ZFAT: variants seen among roughly 807,000 people sequenced by gnomAD.
ZFAT encodes the protein zinc finger and AT-hook domain containing.
ZFAT carries 64 observed loss-of-function variants against 117.7 expected under a neutral mutation model. That is an observed-to-expected ratio of 0.54 (90% CI 0.44 to 0.67). The LOEUF (loss-of-function observed/expected upper bound fraction) is 0.67, where lower values mean the gene tolerates loss of function less well. Ranked by LOEUF, ZFAT falls within the 30% of genes least tolerant of loss-of-function variation. The pLI is 0.00. For synonymous variants in ZFAT, 679 were observed against 615.0 expected (o/e 1.10, Z -1.54); for missense variants, 1,433 against 1,584.5 (o/e 0.90, Z 1.62).
chr8:134,663,436 C>T (rs932478429), intron 1 of ZFAT, among the ~76,000 whole-genome samples: 2 of 152,114 alleles, frequency 1.3e-5, no homozygotes, highest in Admixed American at 1.3e-4. Flanking sequence ...AGAAAATATA[C>T]CAAAATTTTC....
chr8:134,625,256 G>A (rs1829422573), intron 3 of ZFAT, among the ~76,000 whole-genome samples: 1 of 152,216 alleles, frequency 6.6e-6, no homozygotes, highest in Non-Finnish European at 1.5e-5. Flanking sequence ...CCTGTGAAGG[G>A]CACGAGGCCA....
chr8:134,635,657 G>GAA (rs1236753403), intron 3 of ZFAT, among the ~76,000 whole-genome samples: 1 of 151,048 alleles, frequency 6.6e-6, no homozygotes, highest in Non-Finnish European at 1.5e-5. Context: ...GGGAGAGAGA[G>GAA]AGAGAGACAG....
chr8:134,671,092 G>A (rs1343156178), intron 1 of ZFAT, among the ~76,000 whole-genome samples: 1 of 152,164 alleles, frequency 6.6e-6, no homozygotes. Context: ...AACAGGCTCT[G>A]AAATTGAGGC....
At chr8:134,747,761 C>T in the ZFAT span, among the ~76,000 whole-genome samples, 1 of 152,106 alleles carries the variant, frequency 6.6e-6, no homozygotes, top group Admixed American at 6.6e-5. Context: ...CCTTTTTTTA[C>T]AGCCCTGTAA....
chr8:134,823,075 G>C, the ZFAT span, among the ~76,000 whole-genome samples: 2 of 152,152 alleles, frequency 1.3e-5, no homozygotes, highest in Non-Finnish European at 2.9e-5. Flanking sequence ...TTCTCTTCCT[G>C]CTCTGTTGTG....
Position 134,658,502 on chromosome 8 carries a change from C to T in ZFAT, c.20-765G>A, listed in dbSNP as rs138826282. Reference sequence around the variant, plus strand: ...AACAGCCCAGCACCTTTCAATGAAACGGCAGGAATTTGTTGCCTTTTTAAA... The same window carrying T: ...AACAGCCCAGCACCTTTCAATGAAATGGCAGGAATTTGTTGCCTTTTTAAA... On this transcript the variant is annotated intron_variant, in intron 1 of 15. Coordinates refer to ENST00000377838, the MANE Select transcript of ZFAT (RefSeq NM_020863.4). 3.0e-3 allele frequency among the ~76,000 whole-genome samples: 459 copies of T among 152,236 alleles called. 1 individual carries two copies. The highest frequency in any genetic ancestry group is 8.3e-3 in the African/African-American group (345 of 41,562).
At chr8:134,823,058 G>C in the ZFAT span, among the ~76,000 whole-genome samples, 1 of 152,154 alleles carries the variant, frequency 6.6e-6, no homozygotes, top group Admixed American at 6.5e-5. Flanking sequence ...CTGGAATTCT[G>C]TACTATTTCT....
chr8:134,615,506 A>G (rs894348), intron 3 of ZFAT, among the ~76,000 whole-genome samples: 63,212 of 151,846 alleles, frequency 0.42, 13,572 homozygotes, highest in Admixed American at 0.55. Flanking sequence ...ACATCTTGAG[A>G]GTCAAATCCC....
In ZFAT at chr8:134,602,227, A is replaced by G. The variant is rs1375045145; in HGVS notation, c.1492T>C (p.Phe498Leu). ...LVFTSSINQS[F>L]CLLEPGGDIQ... ...TCCCCACCAGGTTCCAGGAGGCAGAAGCTCTGGTTGATGGAACTGGTGAAG... is the reference window on the plus strand; with the variant it reads ...TCCCCACCAGGTTCCAGGAGGCAGAGGCTCTGGTTGATGGAACTGGTGAAG... Residue 498 changes from phenylalanine (F) to leucine (L), a missense_variant, in exon 6 of 16, where the codon TTC becomes CTC. Phe to Leu is a conservative substitution (Grantham distance 22). Transcript: ENST00000377838. 1.2e-6 allele frequency: 2 copies of G among 1,613,706 alleles called. No homozygotes were observed. The highest frequency in any genetic ancestry group is 1.7e-6 in the Non-Finnish European group (2 of 1,180,028).
At chr8:134,607,374 A>G (rs1222635973) in intron 5 of ZFAT, among the ~76,000 whole-genome samples, 1 of 152,274 alleles carries the variant, frequency 6.6e-6, no homozygotes, top group East Asian at 1.9e-4. Flanking sequence ...ATATAATAAT[A>G]TAATTTAATG....
the ZFAT span, among the ~76,000 whole-genome samples, chr8:134,724,145 A>G: frequency 1.3e-5 from 2 of 152,294 alleles, no homozygotes; most frequent in Non-Finnish European, 1.5e-5. Context: ...TGCCATCTGC[A>G]TAGGAACTCC....
chr8:134,503,312 A>T (rs1017543334), intron 15 of ZFAT, among the ~76,000 whole-genome samples: 20 of 152,216 alleles, frequency 1.3e-4, no homozygotes, highest in African/African-American at 4.6e-4. Context: ...CTGTGATAGA[A>T]ATACGGATCT....
At chr8:134,493,338 CTTCA>C (rs1209269125) in intron 15 of ZFAT, among the ~76,000 whole-genome samples, 2 of 152,182 alleles carry the variant, frequency 1.3e-5, no homozygotes, top group Admixed American at 1.3e-4. Context: ...GGCCAGCTCT[CTTCA>C]TTGAGAGAGA....
chr8:134,501,748 A>C (rs1227873760), intron 15 of ZFAT, among the ~76,000 whole-genome samples: 1 of 152,230 alleles, frequency 6.6e-6, no homozygotes, highest in East Asian at 1.9e-4. Flanking sequence ...ATTGTGTTGA[A>C]GTTAGGGAGA....
chr8:134,756,212 G>A, the ZFAT span, among the ~76,000 whole-genome samples: 2 of 152,128 alleles, frequency 1.3e-5, no homozygotes, highest in Non-Finnish European at 2.9e-5. Flanking sequence ...CATCCCCCCT[G>A]CACATTTCTT....
At chr8:134,637,339 A>C in intron 3 of ZFAT, 122 bp downstream of exon 3, 1 of 1,286,058 alleles carries the variant, frequency 7.8e-7, no homozygotes, top group Non-Finnish European at 1.1e-6. Context: ...ACTTTTCCAG[A>C]TGGGTGAGAG....
upstream of ZFAT, chr8:134,713,178 T>G: frequency 2.4e-5 from 6 of 247,524 alleles, no homozygotes; most frequent in Non-Finnish European, 1.5e-5. Flanking sequence ...TTTATCCCAC[T>G]TCACGGATTC....
At chr8:134,629,791 T>C (rs953037377) in intron 3 of ZFAT, among the ~76,000 whole-genome samples, 2 of 152,238 alleles carry the variant, frequency 1.3e-5, no homozygotes, top group Non-Finnish European at 2.9e-5. Context: ...AAACCTTTCT[T>C]CATAACTTAT....
At chr8:134,613,999 C>T (rs775553970) in intron 3 of ZFAT, among the ~76,000 whole-genome samples, 14 of 152,214 alleles carry the variant, frequency 9.2e-5, no homozygotes, top group Non-Finnish European at 1.8e-4. Flanking sequence ...CATTGTTAAA[C>T]TCGTTTTTAA....
Sources: allele counts gnomAD v4.1 joint callset (sites outside exome capture counted in the v4.1 genomes callset), GRCh38; gene constraint gnomAD v4.1.1; transcripts MANE v1.5; gene names NCBI Gene and HGNC (gene_info 2026-07-23, HGNC 2026-07-21).